Variants in GNAT3 observed in about 807,000 individuals in gnomAD.
GNAT3 encodes the protein guanine nucleotide-binding protein G(t) subunit alpha-3.
In GNAT3, 31 loss-of-function variants were observed where a neutral mutation model predicts 37.7. That is an observed-to-expected ratio of 0.82 (90% CI 0.62 to 1.11). The LOEUF (loss-of-function observed/expected upper bound fraction) is 1.11, where lower values mean the gene tolerates loss of function less well. GNAT3 is among the 50% of genes most tolerant of loss of function. GNAT3 has a pLI of 0.00. For missense variants in GNAT3, 437 were observed against 412.5 expected, an observed-to-expected ratio of 1.06 and a Z score of -0.51; for synonymous variants, 138 against 139.8, an observed-to-expected ratio of 0.99 and a Z score of 0.09.
In GNAT3 at chr7:80,470,863, G is replaced by C. The variant is rs1029135370; in HGVS notation, c.590+3388C>G. Reference sequence around the variant, plus strand: ...AAATGTTATATTCTACTCTGTGATGGTTAATACTGGGTGTCAACTTGACTG... The same window carrying C: ...AAATGTTATATTCTACTCTGTGATGCTTAATACTGGGTGTCAACTTGACTG... On this transcript the variant is annotated intron_variant, in intron 5 of 7. Coordinates refer to ENST00000398291, the MANE Select transcript of GNAT3 (RefSeq NM_001102386.3). 5.3e-5 allele frequency among the ~76,000 whole-genome samples: 8 copies of C among 151,674 alleles called. No individual in the cohort carries two copies. In the East Asian group the frequency reaches 1.6e-3, roughly 30 times the overall value.
intron 2 of GNAT3, among the ~76,000 whole-genome samples, chr7:80,492,097 A>G (rs952164882): frequency 2.0e-5 from 3 of 151,974 alleles, no homozygotes; most frequent in African/African-American, 7.2e-5. Context: ...TGGAAGGCTG[A>G]AGCAGGTGGA....
intron 2 of GNAT3, among the ~76,000 whole-genome samples, chr7:80,493,300 A>T (rs1440539037): frequency 6.6e-6 from 1 of 152,138 alleles, no homozygotes; most frequent in Non-Finnish European, 1.5e-5. Context: ...AGTTGCAAGG[A>T]TGGTCCTAAA....
intron 4 of GNAT3, among the ~76,000 whole-genome samples, 200 bp from the exon 5 acceptor site, chr7:80,474,579 G>T (rs548008387): frequency 1.3e-5 from 2 of 152,044 alleles, no homozygotes; most frequent in African/African-American, 2.4e-5. Context: ...CTAGACAGGC[G>T]CTTTCCAAAC....
chr7:80,469,210 TA>T (rs1790171085), intron 5 of GNAT3, among the ~76,000 whole-genome samples: 1 of 152,186 alleles, frequency 6.6e-6, no homozygotes, highest in Non-Finnish European at 1.5e-5. Context: ...CAAACATTCT[TA>T]TAAACAGTTA....
At position 80,462,688 on chromosome 7, in the gene GNAT3, T is replaced by C. The variant is rs1790071567; in HGVS notation, c.591-57A>G. ...TTGCAAATATCCTCCAAAATGTGCA[T>C]TGAGGTTAACATTTAGAGGTATAAA... On this transcript the variant is annotated intron_variant, in intron 5 of 7. Transcript: ENST00000398291. 2.8e-6 allele frequency: 4 copies of C among 1,441,820 alleles called. No individual in the cohort carries two copies. In the African/African-American group the frequency reaches 4.2e-5, roughly 15 times the overall value. 89.3% of individuals were successfully genotyped at this position (1,441,820 alleles called of 1,614,324 possible).
At chr7:80,459,652 A>G (rs1790016439) in intron 7 of GNAT3, among the ~76,000 whole-genome samples, 1 of 152,224 alleles carries the variant, frequency 6.6e-6, no homozygotes, top group Non-Finnish European at 1.5e-5. Flanking sequence ...ACTACTAAAA[A>G]TGACCTGTTG....
chr7:80,481,788 G>A (rs1231600992), intron 3 of GNAT3, among the ~76,000 whole-genome samples: 1 of 152,076 alleles, frequency 6.6e-6, no homozygotes, highest in Non-Finnish European at 1.5e-5. Context: ...TACATAATAA[G>A]AACCTTGGTC....
chr7:80,474,865 T>C (rs1427010877), intron 4 of GNAT3, among the ~76,000 whole-genome samples: 1 of 152,198 alleles, frequency 6.6e-6, no homozygotes, highest in African/African-American at 2.4e-5. Context: ...AGTTTGAATT[T>C]AGGCATTTTC....
At chr7:80,493,864 TCC>T (rs1790660082) in intron 2 of GNAT3, among the ~76,000 whole-genome samples, 1 of 143,202 alleles carries the variant, frequency 7.0e-6, no homozygotes, top group African/African-American at 2.6e-5. Flanking sequence ...TTCCTCCTCC[TCC>T]TCTTTCCTCC....
At chr7:80,491,256 C>T (rs895574924) in intron 2 of GNAT3, among the ~76,000 whole-genome samples, 26 of 152,006 alleles carry the variant, frequency 1.7e-4, no homozygotes, top group Admixed American at 4.6e-4. Flanking sequence ...AGATTTATTG[C>T]GTTGTAGGCT....
At chr7:80,489,907 A>G (rs1199172480) in intron 2 of GNAT3, among the ~76,000 whole-genome samples, 1 of 152,188 alleles carries the variant, frequency 6.6e-6, no homozygotes, top group Non-Finnish European at 1.5e-5. Flanking sequence ...TCTTCATGAA[A>G]CAAGTTCTGA....
At chr7:80,472,891 T>C (rs1226582300) in intron 5 of GNAT3, among the ~76,000 whole-genome samples, 3 of 152,314 alleles carry the variant, frequency 2.0e-5, no homozygotes, top group African/African-American at 7.2e-5. Context: ...ATTGGAACTT[T>C]GGTCTGGGCA....
At chr7:80,511,514 A>G (rs573422978) in intron 1 of GNAT3, among the ~76,000 whole-genome samples, 4 of 152,236 alleles carry the variant, frequency 2.6e-5, no homozygotes, top group Non-Finnish European at 5.9e-5. Flanking sequence ...TTAGGGTGCA[A>G]TAAAATAATA....
chr7:80,499,487 CA>C (rs1352773364), intron 1 of GNAT3, among the ~76,000 whole-genome samples: 2 of 152,128 alleles, frequency 1.3e-5, no homozygotes, highest in African/African-American at 4.8e-5. Context: ...TGGCCTCAAG[CA>C]ATCCTCCTGC....
At chr7:80,475,397 A>G (rs1282199093) in intron 4 of GNAT3, among the ~76,000 whole-genome samples, 1 of 152,088 alleles carries the variant, frequency 6.6e-6, no homozygotes, top group East Asian at 1.9e-4. Flanking sequence ...TTGCTTTAAA[A>G]ATAATTTGAA....
At position 80,493,159 on chromosome 7, in the gene GNAT3, CT is replaced by C. The variant is rs893003770; in HGVS notation, c.161+1445del. On this transcript the variant is annotated intron_variant, in intron 2 of 7. Transcript: ENST00000398291. ...TTTTTTACGCAGCCAAATAATTGGT[CT>C]TTTTTTTTCTTTATTTAAGCTCATA... Among the ~76,000 whole-genome samples the C allele has an allele frequency of 1.6e-4, 24 of 151,136 alleles. No homozygotes were observed. In the East Asian group the frequency reaches 3.7e-3, roughly 23 times the overall value.
At chr7:80,465,788 G>A (rs1044566919) in intron 5 of GNAT3, among the ~76,000 whole-genome samples, 1 of 152,076 alleles carries the variant, frequency 6.6e-6, no homozygotes, top group Admixed American at 6.6e-5. Flanking sequence ...GGGAGGTTTC[G>A]TTCTTTTCTT....
Position 80,458,739 on chromosome 7 carries a change from T to G in GNAT3, c.997A>C (p.Lys333Gln). The G allele has an allele frequency of 6.2e-7, 1 of 1,600,384 alleles. No homozygotes were observed. Among genetic ancestry groups the G allele is most frequent in the Non-Finnish European group, 8.5e-7 (1 of 1,172,740 alleles). ...MTCATDTQNV[K>Q]FVFDAVTDII... is the part of the protein sequence containing the mutation. ...TCTGTAACTGCGTCAAACACAAACT[T>G]GACATTTTGGGTGTCAGTAGCACAG... Residue 333 changes from lysine to glutamine, a missense_variant, in exon 8 of 8, where the codon AAG becomes CAG. Lys to Gln is a moderately conservative substitution (Grantham distance 53). Transcript: ENST00000398291.
intron 1 of GNAT3, among the ~76,000 whole-genome samples, chr7:80,509,349 G>C (rs577681158): frequency 6.6e-6 from 1 of 151,974 alleles, no homozygotes; most frequent in Non-Finnish European, 1.5e-5. Flanking sequence ...ATTGAAATAG[G>C]AACAACTTAA....
Sources: gnomAD v4.1 joint callset for allele counts (sites outside exome capture counted in the v4.1 genomes callset) on GRCh38, gnomAD v4.1.1 for gene constraint, MANE v1.5 for transcripts, NCBI Gene and HGNC (gene_info 2026-07-23, HGNC 2026-07-21) for gene names.